The following CHN1 variants were observed in gnomAD, a reference collection of about 807,000 sequenced individuals.
The protein encoded by CHN1 is N-chimaerin.
A neutral mutation model predicts 59.5 loss-of-function variants in CHN1; 37 were observed. The ratio of observed to expected loss-of-function variants is 0.62; its 90% confidence interval spans 0.48 to 0.82. CHN1 has a LOEUF of 0.82. CHN1 is among the 40% of genes least tolerant of loss of function. The pLI is 0.00. For synonymous variants in CHN1, 206 were observed against 200.4 expected (o/e 1.03, Z -0.24); for missense variants, 469 against 571.0 (o/e 0.82, Z 1.82).
chr2:174,873,639 A>G (rs1212670562), intron 6 of CHN1, among the ~76,000 whole-genome samples: 1 of 152,216 alleles, frequency 6.6e-6, no homozygotes, highest in African/African-American at 2.4e-5. Flanking sequence ...CTGTGGAGGT[A>G]TCCAAAGAAT....
chr2:174,848,141 C>G (rs958244399), intron 6 of CHN1, among the ~76,000 whole-genome samples: 3 of 152,130 alleles, frequency 2.0e-5, no homozygotes, highest in Non-Finnish European at 2.9e-5. Flanking sequence ...TCAGTTTTGT[C>G]TTTGTATTAT....
At chr2:174,837,968 C>T (rs934930004) in intron 7 of CHN1, among the ~76,000 whole-genome samples, 2 of 152,128 alleles carry the variant, frequency 1.3e-5, no homozygotes, top group East Asian at 3.9e-4. Flanking sequence ...ACTAATGATA[C>T]TAAGTTTACT....
intron 1 of CHN1, among the ~76,000 whole-genome samples, chr2:174,967,119 G>C (rs67135408): frequency 6.6e-6 from 1 of 151,970 alleles, no homozygotes; most frequent in Non-Finnish European, 1.5e-5. Flanking sequence ...CTGAGGCAGC[G>C]GATCACTTGA....
intron 1 of CHN1, among the ~76,000 whole-genome samples, chr2:175,000,081 A>G (rs180922657): frequency 1.5e-3 from 229 of 152,202 alleles, no homozygotes; most frequent in African/African-American, 5.1e-3. Flanking sequence ...ACATTAAAAG[A>G]CAAACTTTAA....
At chr2:174,872,071 C>T (rs996824071) in intron 6 of CHN1, among the ~76,000 whole-genome samples, 2 of 152,074 alleles carry the variant, frequency 1.3e-5, no homozygotes, top group Admixed American at 6.6e-5. Flanking sequence ...CACTTGAGCT[C>T]AAGAGTTTGA....
chr2:174,898,991 G>T (rs1688304292), intron 5 of CHN1, among the ~76,000 whole-genome samples: 1 of 152,186 alleles, frequency 6.6e-6, no homozygotes, highest in South Asian at 2.1e-4. Flanking sequence ...GATTGGGCTT[G>T]CTTAGAAAAT....
At chr2:174,910,084 T>G (rs1688647347) in intron 5 of CHN1, among the ~76,000 whole-genome samples, 1 of 152,252 alleles carries the variant, frequency 6.6e-6, no homozygotes, top group Non-Finnish European at 1.5e-5. Flanking sequence ...TTTTTAAATC[T>G]TAATTCCTTA....
intron 3 of CHN1, among the ~76,000 whole-genome samples, chr2:174,933,455 T>G (rs1689411356): frequency 6.6e-6 from 1 of 152,080 alleles, no homozygotes; most frequent in Non-Finnish European, 1.5e-5. Context: ...TCATCACTTG[T>G]ATCAGATGCT....
rs1684990216 is a variant in CHN1, at chr2:174,808,932, C to T, written c.1075G>A (p.Ala359Thr). 1 of 1,613,546 alleles carries T rather than the reference C, an allele frequency of 6.2e-7. No homozygotes were observed. Among genetic ancestry groups the T allele is most frequent in the African/African-American group, 1.3e-5 (1 of 74,910 alleles). Residue 359 changes from alanine (A) to threonine (T), a missense_variant, in exon 11 of 13, where the codon GCC becomes ACC. Around this residue, in one of 5 missense-constraint regions of CHN1, gnomAD observed 225 missense variants for 289.9 expected, o/e 0.78. Coordinates refer to ENST00000409900, the MANE Select transcript of CHN1 (RefSeq NM_001822.7). ...DLPIPLITYD[A>T]YPKFIESAKI... is the part of the protein sequence containing the mutation. ...GCAGATTCTATAAACTTAGGGTAGG[C>T]ATCATATGTAATGAGTGGAATTGGC...
intron 6 of CHN1, among the ~76,000 whole-genome samples, chr2:174,867,977 C>T (rs894216152): frequency 6.6e-6 from 1 of 152,030 alleles, no homozygotes; most frequent in South Asian, 2.1e-4. Flanking sequence ...TAAAAGTGTA[C>T]ATTAATCTAT....
intron 1 of CHN1, among the ~76,000 whole-genome samples, 198 bp from the exon 2 acceptor site, chr2:174,952,400 T>A (rs554470254): frequency 6.6e-6 from 1 of 152,296 alleles, no homozygotes; most frequent in South Asian, 2.1e-4. Flanking sequence ...GATGTTTAAA[T>A]AAAGTTACTG....
intron 6 of CHN1, among the ~76,000 whole-genome samples, chr2:174,852,593 T>A (rs1436799912): frequency 6.6e-6 from 1 of 152,112 alleles, no homozygotes; most frequent in Non-Finnish European, 1.5e-5. Context: ...AAAATTCATA[T>A]GAAACCAAAA....
In CHN1 at chr2:174,812,303, G is replaced by A. The variant is rs748330229; in HGVS notation, c.886+6C>T. On this transcript the variant is annotated splice_donor_region_variant and intron_variant, in intron 9 of 12. Transcript: ENST00000409900. Reference sequence around the variant, plus strand: ...ACCACTGCAACCCGCACTGCAAATGGCTCACCTCTAGACTCAATCTCCCTG... The same window carrying A: ...ACCACTGCAACCCGCACTGCAAATGACTCACCTCTAGACTCAATCTCCCTG... 10 of 1,604,256 alleles carry A rather than the reference G, an allele frequency of 6.2e-6. No individual in the cohort carries two copies. Among genetic ancestry groups the A allele is most frequent in the Non-Finnish European group, 8.5e-6 (10 of 1,173,512 alleles).
At chr2:174,899,021 A>C (rs1688305158) in intron 5 of CHN1, among the ~76,000 whole-genome samples, 1 of 152,178 alleles carries the variant, frequency 6.6e-6, no homozygotes, top group Non-Finnish European at 1.5e-5. Flanking sequence ...ATCCTGAGGG[A>C]GTCACAGAGC....
intron 6 of CHN1, among the ~76,000 whole-genome samples, chr2:174,868,161 A>G (rs1687288981): frequency 6.6e-6 from 1 of 152,186 alleles, no homozygotes; most frequent in Non-Finnish European, 1.5e-5. Flanking sequence ...AAATTTATTA[A>G]TTAGATATAT....
intron 3 of CHN1, among the ~76,000 whole-genome samples, chr2:174,933,521 G>A (rs910819497): frequency 3.3e-5 from 5 of 152,206 alleles, no homozygotes; most frequent in African/African-American, 1.2e-4. Flanking sequence ...GTATAGGGAA[G>A]TCAGTACTGA....
chr2:174,914,641 G>A (rs1353276424), intron 5 of CHN1, among the ~76,000 whole-genome samples: 2 of 151,886 alleles, frequency 1.3e-5, no homozygotes, highest in South Asian at 2.1e-4. Flanking sequence ...TCAAGAGATC[G>A]AGACCATCCT....
chr2:174,842,089 T>C (rs1686324722), intron 7 of CHN1, among the ~76,000 whole-genome samples: 1 of 152,194 alleles, frequency 6.6e-6, no homozygotes, highest in Non-Finnish European at 1.5e-5. Flanking sequence ...CCTGCTGTCA[T>C]GAGAAGAGGT....
intron 7 of CHN1, among the ~76,000 whole-genome samples, chr2:174,842,531 C>T (rs1686349314): frequency 6.6e-6 from 1 of 152,124 alleles, no homozygotes; most frequent in Non-Finnish European, 1.5e-5. Context: ...TGGTTTAAAA[C>T]TTCACAGTTT....
Sources: allele counts gnomAD v4.1 joint callset (sites outside exome capture counted in the v4.1 genomes callset), GRCh38; gene constraint gnomAD v4.1.1; regional missense constraint gnomAD v4.1.1; transcripts MANE v1.5; gene names NCBI Gene and HGNC (gene_info 2026-07-23, HGNC 2026-07-21).